Variants in ZNF589 observed in about 807,000 individuals in gnomAD.
The protein encoded by ZNF589 is KRAB-zinc finger protein SZF1-1.
Under a neutral mutation model 13.6 loss-of-function variants are expected in ZNF589, and 17 were observed. That is an observed-to-expected ratio of 1.25 (90% CI 0.86 to 1.88). The LOEUF is 1.88. ZNF589 is among the 40% of genes most tolerant of loss of function. The pLI is 0.00. For missense variants in ZNF589, 407 were observed against 434.0 expected (o/e 0.94, Z 0.55); for synonymous variants, 148 against 161.6 (o/e 0.92, Z 0.64).
chr3:48,268,307 A>G lies in ZNF589; in HGVS notation c.616A>G (p.Arg206Gly), dbSNP rs2034044107. The change falls in exon 4 of 4, where the codon AGG (arginine) becomes GGG (glycine). Residue 206 changes from arginine to glycine, a missense_variant. Coordinates refer to ENST00000354698, the MANE Select transcript of ZNF589 (RefSeq NM_016089.3). ...TGAGGAAGTAGACAGAATTTCCAAG[A>G]GGGCAGAAACCCCAGGGTTTGGAGC... is the stretch of plus-strand genomic sequence containing the variant. ...SSEEVDRISK[R>G]AETPGFGAVT... is the part of the protein sequence containing the mutation. The G allele has an allele frequency of 6.2e-7, 1 of 1,613,512 alleles. No individual in the cohort carries two copies. The highest frequency in any genetic ancestry group is 8.5e-7 in the Non-Finnish European group (1 of 1,179,664).
chr3:48,269,124 G>A lies in ZNF589; in HGVS notation c.*338G>A. ...AAGCCTTACACGTGCTTTGAGTGTG[G>A]GCGAAACTTTAGCCTCAAGTCCGCT... On this transcript the variant is annotated 3_prime_UTR_variant, in exon 4 of 4. Coordinates refer to ENST00000354698, the MANE Select transcript of ZNF589 (RefSeq NM_016089.3). 1 of 711,820 alleles carries A rather than the reference G, an allele frequency of 1.4e-6. No individual in the cohort carries two copies. Among genetic ancestry groups the A allele is most frequent in the Non-Finnish European group, 2.4e-6 (1 of 425,100 alleles). 44.1% of individuals were successfully genotyped at this position (711,820 alleles called of 1,614,324 possible).
chr3:48,250,238 T>A (rs2106834729), intron 2 of ZNF589, among the ~76,000 whole-genome samples: 1 of 151,702 alleles, frequency 6.6e-6, no homozygotes, highest in Admixed American at 6.6e-5. Context: ...TGTTGACGAA[T>A]CTCTCTCCTG....
At chr3:48,242,928 G>A (rs781501820) in intron 1 of ZNF589, among the ~76,000 whole-genome samples, 1 of 151,672 alleles carries the variant, frequency 6.6e-6, no homozygotes, top group Non-Finnish European at 1.5e-5. Context: ...AATAAAATAA[G>A]CTGGGTGTGG....
chr3:48,241,255 C>T (rs747421221), intron 1 of ZNF589, 41 bp downstream of exon 1: 16 of 1,603,924 alleles, frequency 1.0e-5, no homozygotes, highest in Middle Eastern at 2.1e-4. Flanking sequence ...ATTCGGTGCT[C>T]CAGCCGCAGG....
intron 2 of ZNF589, among the ~76,000 whole-genome samples, chr3:48,257,714 T>G (rs1013301903): frequency 5.3e-5 from 8 of 150,922 alleles, no homozygotes; most frequent in South Asian, 2.1e-4. Context: ...TGATTCATTT[T>G]GATTTTTTTT....
At chr3:48,265,641 G>A (rs1003066553) in intron 3 of ZNF589, among the ~76,000 whole-genome samples, 3 of 151,988 alleles carry the variant, frequency 2.0e-5, no homozygotes, top group African/African-American at 7.2e-5. Flanking sequence ...CCTATGCAGA[G>A]TCCTGGTCTT....
chr3:48,255,135 G>A (rs1358582941), intron 2 of ZNF589, among the ~76,000 whole-genome samples: 3 of 151,358 alleles, frequency 2.0e-5, no homozygotes, highest in Non-Finnish European at 4.4e-5. Context: ...TTTGTCAATT[G>A]AGGAAGTTCT....
At chr3:48,242,555 C>G (rs1466467795) in intron 1 of ZNF589, among the ~76,000 whole-genome samples, 1 of 152,042 alleles carries the variant, frequency 6.6e-6, no homozygotes, top group Non-Finnish European at 1.5e-5. Flanking sequence ...CCTCCCGCCT[C>G]GGTCTCCCAA....
intron 1 of ZNF589, among the ~76,000 whole-genome samples, chr3:48,245,744 C>T (rs568480368): frequency 5.8e-4 from 88 of 152,242 alleles, no homozygotes; most frequent in South Asian, 2.1e-4. Flanking sequence ...GTCAGGAGTT[C>T]GAGACCAGCC....
At chr3:48,256,724 A>G (rs1559981623) in intron 2 of ZNF589, 2 of 1,598,542 alleles carry the variant, frequency 1.3e-6, no homozygotes. Flanking sequence ...CCAGTGGCAG[A>G]TGGGGCACTG....
At chr3:48,256,295 C>T in intron 2 of ZNF589, 1 of 450,906 alleles carries the variant, frequency 2.2e-6, no homozygotes, top group Non-Finnish European at 4.3e-6. Flanking sequence ...GTGAGTACGC[C>T]TCCTACTCCA....
chr3:48,243,395 A>C (rs2033718789), intron 1 of ZNF589, among the ~76,000 whole-genome samples: 1 of 152,174 alleles, frequency 6.6e-6, no homozygotes, highest in Admixed American at 6.5e-5. Flanking sequence ...ATTGTTCAGC[A>C]TGTAGCTGTT....
At position 48,268,242 on chromosome 3, in the gene ZNF589, T is replaced by C. The variant is rs1033587357; in HGVS notation, c.551T>C (p.Ile184Thr). 2 of 1,606,164 alleles carry C rather than the reference T, an allele frequency of 1.2e-6. No individual in the cohort carries two copies. The highest frequency in any genetic ancestry group is 2.2e-5 in the South Asian group (2 of 89,756). Residue 184 changes from isoleucine (I) to threonine (T), a missense_variant, in exon 4 of 4, where the codon ATA (isoleucine) becomes ACA (threonine). Physicochemically the swap from Ile to Thr is moderately conservative, Grantham distance 89. Transcript: ENST00000354698. ...PPISSWGGNR[I>T]LEIQLSPAQN... is the part of the protein sequence containing the mutation. ...ATAAGCTCTTGGGGAGGCAACAGAA[T>C]ATTAGAGATACAGCTCAGTCCAGCC...
At chr3:48,255,385 A>G (rs1277621711) in intron 2 of ZNF589, among the ~76,000 whole-genome samples, 3 of 151,318 alleles carry the variant, frequency 2.0e-5, no homozygotes, top group African/African-American at 7.3e-5. Context: ...CATGTTGGCC[A>G]GGCTGGTCTC....
intron 2 of ZNF589, among the ~76,000 whole-genome samples, chr3:48,252,199 AT>A (rs905007095): frequency 6.7e-5 from 10 of 148,388 alleles, no homozygotes; most frequent in Admixed American, 3.4e-4. Context: ...TATTATTATT[AT>A]TTTTTTTTTG....
intron 2 of ZNF589, among the ~76,000 whole-genome samples, chr3:48,258,853 A>G (rs1314523662): frequency 2.0e-5 from 3 of 152,216 alleles, no homozygotes; most frequent in African/African-American, 4.8e-5. Flanking sequence ...TACTACATCC[A>G]CTGAGCAAAA....
At chr3:48,247,252 G>T (rs1205022550) in intron 1 of ZNF589, among the ~76,000 whole-genome samples, 1 of 151,910 alleles carries the variant, frequency 6.6e-6, no homozygotes, top group East Asian at 1.9e-4. Flanking sequence ...GGTATTATAG[G>T]CGTGTGCCAC....
Position 48,269,310 on chromosome 3 carries a change from A to G in ZNF589, c.*524A>G. 6.8e-7 allele frequency: 1 copy of G among 1,475,526 alleles called. No homozygotes were observed. The highest frequency in any genetic ancestry group is 9.3e-7 in the Non-Finnish European group (1 of 1,078,660). The allele number at this position is 1,475,526 out of a possible 1,614,324, so 91.4% of individuals were successfully genotyped here. On this transcript the variant is annotated 3_prime_UTR_variant, in exon 4 of 4. Coordinates refer to ENST00000354698, the MANE Select transcript of ZNF589 (RefSeq NM_016089.3). ...GAGTGTGGGCGAGGCTTTATAGCTC[A>G]GTCAACCCTCCACTACCACCGGAGT...
chr3:48,261,842 C>T (rs1484839890), intron 3 of ZNF589, among the ~76,000 whole-genome samples: 1 of 152,194 alleles, frequency 6.6e-6, no homozygotes, highest in East Asian at 1.9e-4. Flanking sequence ...ATTTCTGTTT[C>T]AGTGTAGGTT....
Sources: allele counts gnomAD v4.1 joint callset (sites outside exome capture counted in the v4.1 genomes callset), GRCh38; gene constraint gnomAD v4.1.1; transcripts MANE v1.5; gene names NCBI Gene and HGNC (gene_info 2026-07-23, HGNC 2026-07-21).